Variants in VPS13A observed in about 807,000 individuals in gnomAD.
VPS13A encodes intermembrane lipid transfer protein VPS13A.
Under a neutral mutation model 390.9 loss-of-function variants are expected in VPS13A, and 264 were observed. The ratio of observed to expected loss-of-function variants is 0.68; its 90% CI spans 0.61 to 0.75. The LOEUF (loss-of-function observed/expected upper bound fraction) is 0.75, where lower values mean the gene tolerates loss of function less well. Among genes scored for constraint, VPS13A ranks in the 30% least tolerant of loss-of-function variants. The pLI, the probability that VPS13A is intolerant of heterozygous loss-of-function variation, is 0.00. For synonymous variants in VPS13A, 1,231 were observed against 1,227.1 expected (o/e 1.00, Z -0.07); for missense variants, 3,409 against 3,733.9 (o/e 0.91, Z 2.27).
intron 31 of VPS13A, among the ~76,000 whole-genome samples, chr9:77,287,226 C>A (rs1587497797): frequency 6.9e-6 from 1 of 144,064 alleles, no homozygotes; most frequent in Admixed American, 7.0e-5. Flanking sequence ...ACATAAAATT[C>A]TCTCTCTCTC....
Position 77,381,990 on chromosome 9 carries a change from C to G in VPS13A, c.9092C>G (p.Ser3031Cys). Residue 3031 changes from serine to cysteine, a missense_variant, in exon 68 of 72, where the codon TCT becomes TGT. Physicochemically the swap from Ser to Cys is moderately radical, Grantham distance 112. Transcript: ENST00000360280. ...FQGIKRATET[S>C]EVESLRPPRF... The stretch of plus-strand genomic sequence containing the variant: ...TTTTCCTCTAGAGCTACAGAGACTT[C>G]TGAAGTGGAGAGTCTGCGACCTCCT... The G allele has an allele frequency of 6.2e-7, 1 of 1,604,720 alleles. No homozygotes were observed. Among genetic ancestry groups the G allele is most frequent in the Non-Finnish European group, 8.5e-7 (1 of 1,175,050 alleles).
chr9:77,317,642 C>T lies in VPS13A; in HGVS notation c.4900C>T (p.Gln1634Ter). The T allele has an allele frequency of 6.2e-7, 1 of 1,602,764 alleles. No individual in the cohort carries two copies. Among genetic ancestry groups the T allele is most frequent in the Non-Finnish European group, 8.5e-7 (1 of 1,174,054 alleles). Residue 1634 changes from glutamine to a stop codon, truncating the protein, a stop_gained, in exon 40 of 72, where the codon CAG becomes TAG. Transcript: ENST00000360280. LOFTEE classifies it high-confidence loss of function. ...CTGTGACTTGTTTTATCAAACTACT[C>T]AGAAAGGTACAGATCCACAAGTGAT... ...QPCDLFYQTT[Q>*]KGTDPQVIDM...
chr9:77,416,098 G>T lies in VPS13A; in HGVS notation c.*92G>T. On this transcript the variant is annotated 3_prime_UTR_variant, in exon 72 of 72. Coordinates refer to ENST00000360280, the MANE Select transcript of VPS13A (RefSeq NM_033305.3). ...TGTTTGGGAAGCATATTACAGAAAT[G>T]ATTTCAAGTACCCTGTATTCTGGAT... is the stretch of plus-strand genomic sequence containing the variant. 2 of 1,427,018 alleles carry T rather than the reference G, an allele frequency of 1.4e-6. No individual in the cohort carries two copies. Among genetic ancestry groups the T allele is most frequent in the South Asian group, 1.2e-5 (1 of 86,314 alleles). The allele number at this position is 1,427,018 out of a possible 1,614,324, so 88.4% of individuals were successfully genotyped here.
chr9:77,191,012 T>C (rs995553841), intron 1 of VPS13A, among the ~76,000 whole-genome samples: 2 of 152,230 alleles, frequency 1.3e-5, no homozygotes, highest in African/African-American at 2.4e-5. Flanking sequence ...TATTTATTCT[T>C]TCAAGGAACC....
At chr9:77,368,171 G>T in intron 62 of VPS13A, 35 bp downstream of exon 62, 1 of 1,549,670 alleles carries the variant, frequency 6.5e-7, no homozygotes, top group South Asian at 1.1e-5. Flanking sequence ...GGGACAGAGT[G>T]ATACAGACTG....
chr9:77,260,309 A>G, intron 23 of VPS13A, 85 bp downstream of exon 23: 1 of 1,461,572 alleles, frequency 6.8e-7, no homozygotes, highest in South Asian at 1.2e-5. Flanking sequence ...ATTTTATATA[A>G]GACAATTTGC....
At chr9:77,346,262 A>AAGC (rs1831146474) in intron 52 of VPS13A, among the ~76,000 whole-genome samples, 4 of 151,894 alleles carry the variant, frequency 2.6e-5, no homozygotes, top group African/African-American at 2.4e-5. Context: ...TTTCCCTCAT[A>AAGC]ATTAGTGATG....
intron 39 of VPS13A, among the ~76,000 whole-genome samples, chr9:77,316,688 A>G (rs1328868415): frequency 6.6e-6 from 1 of 152,070 alleles, no homozygotes; most frequent in East Asian, 1.9e-4. Context: ...CTTTCTAACC[A>G]TGTCAATTCC....
intron 20 of VPS13A, 81 bp from the exon 21 acceptor site, chr9:77,250,013 ATTT>A: frequency 6.7e-7 from 1 of 1,481,866 alleles, no homozygotes; most frequent in South Asian, 1.2e-5. Flanking sequence ...TCCTATTAAC[ATTT>A]TATAAGTCTA....
chr9:77,182,972 G>T (rs1304869211), intron 1 of VPS13A, among the ~76,000 whole-genome samples: 2 of 152,128 alleles, frequency 1.3e-5, no homozygotes, highest in African/African-American at 4.8e-5. Flanking sequence ...GATTTTTAAG[G>T]AGTCATTCTT....
At chr9:77,340,079 A>G in intron 48 of VPS13A, 99 bp from the exon 49 acceptor site, 2 of 1,361,412 alleles carry the variant, frequency 1.5e-6, no homozygotes, top group Non-Finnish European at 2.1e-6. Flanking sequence ...TGCATTAACA[A>G]TATAATATTT....
intron 59 of VPS13A, among the ~76,000 whole-genome samples, chr9:77,363,255 G>A (rs933114677): frequency 6.6e-6 from 1 of 151,776 alleles, no homozygotes; most frequent in Non-Finnish European, 1.5e-5. Flanking sequence ...TCCTTTTTCA[G>A]GTTGAGGAAG....
At chr9:77,408,619 A>C (rs1232258735) in intron 71 of VPS13A, among the ~76,000 whole-genome samples, 1 of 152,230 alleles carries the variant, frequency 6.6e-6, no homozygotes, top group Non-Finnish European at 1.5e-5. Flanking sequence ...CAACGGTCTT[A>C]GCAACCGGCA....
chr9:77,348,420 C>A (rs1272835406), intron 52 of VPS13A, among the ~76,000 whole-genome samples: 1 of 152,112 alleles, frequency 6.6e-6, no homozygotes, highest in Non-Finnish European at 1.5e-5. Context: ...ACAATGAGAA[C>A]ACATGGACAC....
Position 77,353,442 on chromosome 9 carries a change from A to G in VPS13A, c.7453A>G (p.Thr2485Ala). The change falls in exon 54 of 72, where the codon ACA becomes GCA. Residue 2485 changes from threonine (T) to alanine (A), a missense_variant. Thr to Ala is a moderately conservative substitution (Grantham distance 58, BLOSUM62 0). Transcript: ENST00000360280. Reference protein sequence around the residue: ...MMMPIDLGEKTIYLVSFFEGL... With the variant: ...MMMPIDLGEKAIYLVSFFEGL... Reference sequence around the variant, plus strand: ...GATGCCTATAGATTTGGGGGAAAAGACAATATATTTAGTTTCATTCTTTGA... The same window carrying G: ...GATGCCTATAGATTTGGGGGAAAAGGCAATATATTTAGTTTCATTCTTTGA... 1 of 1,611,460 alleles carries G rather than the reference A, an allele frequency of 6.2e-7. No homozygotes were observed. The highest frequency in any genetic ancestry group is 8.5e-7 in the Non-Finnish European group (1 of 1,179,010).
rs776080532 is a variant in VPS13A, at chr9:77,353,465, T to C, written c.7476T>C (p.Phe2492=). 2 of 1,613,074 alleles carry C rather than the reference T, an allele frequency of 1.2e-6. No individual in the cohort carries two copies. Among genetic ancestry groups the C allele is most frequent in the Non-Finnish European group, 1.7e-6 (2 of 1,179,442 alleles). ...AGACAATATATTTAGTTTCATTCTT[T>C]GAAGGTTTACAACGCATTATTTTAT... ...GEKTIYLVSF[F]EGLQRIILFT... is the part of the protein sequence containing the mutation. The change falls in exon 54 of 72, where the codon TTT becomes TTC. Residue 2492 remains phenylalanine (F), a synonymous_variant. Transcript: ENST00000360280.
At chr9:77,339,415 A>T in intron 47 of VPS13A, 101 bp from the exon 48 acceptor site, 1 of 1,213,164 alleles carries the variant, frequency 8.2e-7, no homozygotes, top group Non-Finnish European at 1.1e-6. Flanking sequence ...AGGTATTTCA[A>T]AAGCATTTTT....
chr9:77,367,284 G>T (rs1419449129), intron 61 of VPS13A, among the ~76,000 whole-genome samples: 2 of 152,160 alleles, frequency 1.3e-5, no homozygotes, highest in Non-Finnish European at 2.9e-5. Context: ...TCAACTTTAA[G>T]TGTTGTAATC....
At chr9:77,318,708 TATG>T in intron 41 of VPS13A, 117 bp downstream of exon 41, 4 of 1,087,562 alleles carry the variant, frequency 3.7e-6, no homozygotes, top group Non-Finnish European at 5.4e-6. Context: ...TTATTGTAAA[TATG>T]ATATTGGGTC....
Sources: allele counts gnomAD v4.1 joint callset (sites outside exome capture counted in the v4.1 genomes callset), GRCh38; gene constraint gnomAD v4.1.1; transcripts MANE v1.5; gene names NCBI Gene and HGNC (gene_info 2026-07-23, HGNC 2026-07-21).